Variants in SFT2D2 observed in about 807,000 individuals in gnomAD.
The protein encoded by SFT2D2 is vesicle transport protein SFT2B.
Under a neutral mutation model 27.4 loss-of-function variants are expected in SFT2D2, and 21 were observed. That is an observed-to-expected ratio of 0.77 (90% CI 0.54 to 1.10). The LOEUF (loss-of-function observed/expected upper bound fraction) is 1.10. Among genes scored for constraint, SFT2D2 ranks in the 50% least tolerant of loss-of-function variants. SFT2D2 has a pLI of 0.00. For synonymous variants in SFT2D2, 72 were observed against 71.7 expected (o/e 1.00, Z -0.02); for missense variants, 187 against 194.2 (o/e 0.96, Z 0.22).
At position 168,246,314 on chromosome 1, in the gene SFT2D2, T is replaced by C; in HGVS notation, c.*3774T>C. On this transcript the variant is annotated 3_prime_UTR_variant, in exon 8 of 8. Transcript: ENST00000271375. ...CAGCTTTGTTGTGAACATCATCCAG[T>C]TGCTGTTGAAGCAACATATTTTGTC... is the stretch of plus-strand genomic sequence containing the variant. 2.3e-6 allele frequency: 1 copy of C among 434,636 alleles called. No homozygotes were observed. Among genetic ancestry groups the C allele is most frequent in the South Asian group, 2.1e-5 (1 of 47,624 alleles). The allele number at this position is 434,636 out of a possible 1,614,324, so 26.9% of individuals were successfully genotyped here. A position where few individuals can be genotyped will look rare whatever the true frequency, so the allele number is the denominator to read the frequency against.
intron 7 of SFT2D2, 114 bp from the exon 8 acceptor site, chr1:168,242,387 C>T: frequency 1.8e-6 from 2 of 1,098,776 alleles, no homozygotes; most frequent in South Asian, 1.3e-5. Flanking sequence ...CTGTGAAGGT[C>T]TGATCTTTCA....
chr1:168,239,350 T>TG (rs1178119210), intron 7 of SFT2D2, among the ~76,000 whole-genome samples, 190 bp downstream of exon 7: 1 of 152,114 alleles, frequency 6.6e-6, no homozygotes, highest in East Asian at 1.9e-4. Context: ...CAACTAATGA[T>TG]GGATATTTAC....
chr1:168,240,964 C>T lies in SFT2D2; in HGVS notation c.444-1537C>T, dbSNP rs868109724. ...GGCAACATCAAATCAAGGCATTAAACCCAATGTGGACCCTTCTGAGTATGG... is the reference window on the plus strand; with the variant it reads ...GGCAACATCAAATCAAGGCATTAAATCCAATGTGGACCCTTCTGAGTATGG... On this transcript the variant is annotated intron_variant, in intron 7 of 7. Transcript: ENST00000271375. 2.6e-4 allele frequency among the ~76,000 whole-genome samples: 40 copies of T among 152,214 alleles called. 1 individual carries two copies. The highest frequency in any genetic ancestry group is 9.8e-4 in the Admixed American group (15 of 15,290).
In SFT2D2 at chr1:168,246,887, GTCTTTTA is replaced by G. The variant is rs1358159524; in HGVS notation, c.*4348_*4354del. ...CATGCTTTCTTTTTATAATTTCAAT[GTCTTTTA>G]AGTATTTCTTTTCCAGGATTTGATT... On this transcript the variant is annotated 3_prime_UTR_variant, in exon 8 of 8. Transcript: ENST00000271375. 2 of 585,518 alleles carry G rather than the reference GTCTTTTA, an allele frequency of 3.4e-6. No homozygotes were observed. The highest frequency in any genetic ancestry group is 6.3e-6 in the Non-Finnish European group (2 of 317,884). The allele number at this position is 585,518 out of a possible 1,614,324, so 36.3% of individuals were successfully genotyped here. A position where few individuals can be genotyped will look rare whatever the true frequency, so the allele number is the denominator to read the frequency against.
rs758064943 is a variant in SFT2D2, at chr1:168,252,858, C to T, written c.*10318C>T. 15 of 152,210 alleles carry T rather than the reference C, an allele frequency of 9.9e-5. No individual in the cohort carries two copies. The highest frequency in any genetic ancestry group is 2.2e-4 in the Non-Finnish European group (15 of 68,028). The allele number at this position is 152,210 out of a possible 1,614,324, so 9.4% of individuals were successfully genotyped here. Reference sequence around the variant, plus strand: ...GTATCCAAAAATACATTCTTGAGTACTACTTTTCCTACCTTGAAAATCTAT... The same window carrying T: ...GTATCCAAAAATACATTCTTGAGTATTACTTTTCCTACCTTGAAAATCTAT... On this transcript the variant is annotated 3_prime_UTR_variant, in exon 8 of 8. Transcript: ENST00000271375.
chr1:168,231,785 G>A, intron 2 of SFT2D2, 49 bp from the exon 3 acceptor site: 1 of 1,583,624 alleles, frequency 6.3e-7, no homozygotes, highest in Middle Eastern at 1.7e-4. Context: ...TGCTTGTGTG[G>A]CCGGGTGGGA....
rs1647775040 is a variant in SFT2D2, at chr1:168,245,151, T to C, written c.*2611T>C. 6.6e-6 allele frequency: 1 copy of C among 152,042 alleles called. No individual in the cohort carries two copies. The highest frequency in any genetic ancestry group is 1.5e-5 in the Non-Finnish European group (1 of 68,012). 9.4% of individuals were successfully genotyped at this position (152,042 alleles called of 1,614,324 possible). ...GGAGAAAAATGAAAGGCCTTTAGAT[T>C]GAAAAGAAATGAGTAAAACTGTCTA... On this transcript the variant is annotated 3_prime_UTR_variant, in exon 8 of 8. Coordinates refer to ENST00000271375, the MANE Select transcript of SFT2D2 (RefSeq NM_199344.3).
At chr1:168,236,792 C>T (rs762933936) in intron 6 of SFT2D2, 22 bp downstream of exon 6, 1 of 1,611,926 alleles carries the variant, frequency 6.2e-7, no homozygotes, top group South Asian at 1.1e-5. Context: ...TTTAAACAAT[C>T]CCCTCCCACA....
intron 3 of SFT2D2, among the ~76,000 whole-genome samples, chr1:168,232,811 T>A (rs1047536722): frequency 1.4e-4 from 22 of 152,150 alleles, no homozygotes; most frequent in African/African-American, 5.1e-4. Flanking sequence ...TAACAAGATA[T>A]GGAAAGAAAT....
At position 168,236,701 on chromosome 1, in the gene SFT2D2, T is replaced by C; in HGVS notation, c.355-11T>C. 6.2e-7 allele frequency: 1 copy of C among 1,614,030 alleles called. No individual in the cohort carries two copies. The highest frequency in any genetic ancestry group is 8.5e-7 in the Non-Finnish European group (1 of 1,180,026). ...TCACACTCTCCTATAACCATATTAT[T>C]ATTTTTCCAGTGGCATAACAAGGGA... On this transcript the variant is annotated splice_polypyrimidine_tract_variant and intron_variant, in intron 5 of 7. Transcript: ENST00000271375.
chr1:168,231,601 G>A lies in SFT2D2; in HGVS notation c.150+1G>A. On this transcript the variant is annotated splice_donor_variant, in intron 2 of 7. Transcript: ENST00000271375. LOFTEE classifies it high-confidence loss of function. Reference sequence around the variant, plus strand: ...TATAGGAATTCTCTGCTCACTGCTGGTAAGATTTCCCTTCCTCCTCTGTCT... The same window carrying A: ...TATAGGAATTCTCTGCTCACTGCTGATAAGATTTCCCTTCCTCCTCTGTCT... 1 of 1,613,658 alleles carries A rather than the reference G, an allele frequency of 6.2e-7. No homozygotes were observed. Among genetic ancestry groups the A allele is most frequent in the Non-Finnish European group, 8.5e-7 (1 of 1,179,638 alleles).
intron 7 of SFT2D2, among the ~76,000 whole-genome samples, chr1:168,240,044 A>G (rs1647606565): frequency 6.6e-6 from 1 of 151,760 alleles, no homozygotes; most frequent in Non-Finnish European, 1.5e-5. Context: ...GCGTGGTGGC[A>G]GGCGCCTGTA....
chr1:168,236,862 T>A, intron 6 of SFT2D2, 92 bp downstream of exon 6: 1 of 1,393,708 alleles, frequency 7.2e-7, no homozygotes, highest in African/African-American at 1.5e-5. Context: ...GTGGGAGAAT[T>A]AAGAAAACAC....
At chr1:168,239,021 G>C in intron 6 of SFT2D2, 110 bp from the exon 7 acceptor site, 1 of 812,356 alleles carries the variant, frequency 1.2e-6, no homozygotes, top group Non-Finnish European at 2.1e-6. Flanking sequence ...GTATGGGAGA[G>C]GGTCTGGATA....
chr1:168,241,894 G>A (rs979341863), intron 7 of SFT2D2, among the ~76,000 whole-genome samples: 7 of 152,136 alleles, frequency 4.6e-5, no homozygotes, highest in African/African-American at 1.7e-4. Context: ...AACAGAGCTG[G>A]GGTATGAGAA....
chr1:168,242,447 G>A, intron 7 of SFT2D2, 54 bp from the exon 8 acceptor site: 2 of 1,609,574 alleles, frequency 1.2e-6, no homozygotes, highest in Non-Finnish European at 8.5e-7. Context: ...CCCTCTAAAG[G>A]AGTGCCTTTG....
At chr1:168,228,655 A>G (rs1700484590) in intron 1 of SFT2D2, among the ~76,000 whole-genome samples, 1 of 152,216 alleles carries the variant, frequency 6.6e-6, no homozygotes, top group African/African-American at 2.4e-5. Context: ...GAAATGAAGC[A>G]GTATTTCTTT....
In SFT2D2 at chr1:168,246,218, C is replaced by G; in HGVS notation, c.*3678C>G. 1 of 296,978 alleles carries G rather than the reference C, an allele frequency of 3.4e-6. No individual in the cohort carries two copies. The highest frequency in any genetic ancestry group is 6.6e-6 in the Non-Finnish European group (1 of 151,742). The allele number at this position is 296,978 out of a possible 1,614,324, so 18.4% of individuals were successfully genotyped here. A position where few individuals can be genotyped will look rare whatever the true frequency, so the allele number is the denominator to read the frequency against. ...CTAGCAAAAGACGGTGCTTTATGCACTCAGCTTGAAGATTTTGTGCTGTAG... is the reference window on the plus strand; with the variant it reads ...CTAGCAAAAGACGGTGCTTTATGCAGTCAGCTTGAAGATTTTGTGCTGTAG... On this transcript the variant is annotated 3_prime_UTR_variant, in exon 8 of 8. Coordinates refer to ENST00000271375, the MANE Select transcript of SFT2D2 (RefSeq NM_199344.3).
rs188603804 is a variant in SFT2D2, at chr1:168,226,069, A to T, written c.-11A>T. The T allele has an allele frequency of 1.3e-6, 2 of 1,528,758 alleles. No individual in the cohort carries two copies. Among genetic ancestry groups the T allele is most frequent in the Non-Finnish European group, 1.8e-6 (2 of 1,136,868 alleles). The allele number at this position is 1,528,758 out of a possible 1,614,324, so 94.7% of individuals were successfully genotyped here. ...CGCTGAGGAGCTGGAGCTGGTGGGG[A>T]CTGGGCCGCAATGGACAAGCTGAAG... On this transcript the variant is annotated 5_prime_UTR_variant, in exon 1 of 8. Coordinates refer to ENST00000271375, the MANE Select transcript of SFT2D2 (RefSeq NM_199344.3).
Sources: gnomAD v4.1 joint callset for allele counts (sites outside exome capture counted in the v4.1 genomes callset) on GRCh38, gnomAD v4.1.1 for gene constraint, MANE v1.5 for transcripts, NCBI Gene and HGNC (gene_info 2026-07-23, HGNC 2026-07-21) for gene names.